Variants in CMIP observed in about 807,000 individuals in gnomAD.
CMIP encodes c-Maf inducing protein.
A neutral mutation model predicts 97.3 loss-of-function variants in CMIP; 13 were observed. That is an observed-to-expected ratio of 0.13 (90% CI 0.09 to 0.21). CMIP has a LOEUF of 0.21. Ranked by LOEUF, CMIP falls within the 10% of genes least tolerant of loss-of-function variation. The probability of loss-of-function intolerance (pLI) is 1.00; values close to 1 mark genes in which losing one functional copy is unlikely to be tolerated. For synonymous variants in CMIP, 538 were observed against 436.3 expected, an observed-to-expected ratio of 1.23 and a Z score of -2.91; for missense variants, 847 against 1,024.9, an observed-to-expected ratio of 0.83 and a Z score of 2.37.
chr16:81,654,910 C>T (rs931176680), intron 4 of CMIP, among the ~76,000 whole-genome samples: 5 of 152,154 alleles, frequency 3.3e-5, no homozygotes, highest in African/African-American at 9.7e-5. Context: ...GTTGTAGGGT[C>T]GGAAGGACCT....
Position 81,678,641 on chromosome 16 carries a change from C to CA in CMIP, c.1388+13_1388+14insA, listed in dbSNP as rs1555549305. The stretch of plus-strand genomic sequence containing the variant: ...TCCTCAAGCTGCTGTGAGTGCCCCC[C>CA]CCGCGTGCCCGCCCCCGGGGCCGGT... On this transcript the variant is annotated intron_variant, in intron 10 of 20. Coordinates refer to ENST00000537098, the MANE Select transcript of CMIP (RefSeq NM_198390.3). 4.6e-5 allele frequency: 61 copies of CA among 1,318,230 alleles called. No individual in the cohort carries two copies. The African/African-American group carries it at 6.3e-4, about 14-fold the overall frequency. The allele number at this position is 1,318,230 out of a possible 1,614,324, so 81.7% of individuals were successfully genotyped here.
chr16:81,587,700 C>T (rs958883754), intron 1 of CMIP, among the ~76,000 whole-genome samples: 16 of 152,348 alleles, frequency 1.1e-4, no homozygotes, highest in South Asian at 2.1e-4. Context: ...CTCTACTGCT[C>T]CTGACTTCCT....
chr16:81,521,436 C>T (rs2090025530), intron 1 of CMIP, among the ~76,000 whole-genome samples: 1 of 152,080 alleles, frequency 6.6e-6, no homozygotes, highest in Admixed American at 6.5e-5. Flanking sequence ...TGTAGAACCA[C>T]CGGTGACCGC....
intron 1 of CMIP, among the ~76,000 whole-genome samples, chr16:81,503,066 A>G (rs1263963184): frequency 6.6e-6 from 1 of 152,216 alleles, no homozygotes; most frequent in Non-Finnish European, 1.5e-5. Context: ...TTCATTAAAG[A>G]GCTGCCCTAG....
intron 3 of CMIP, among the ~76,000 whole-genome samples, chr16:81,629,266 C>G (rs1193059306): frequency 1.3e-5 from 2 of 151,526 alleles, no homozygotes; most frequent in East Asian, 3.9e-4. Flanking sequence ...CAGCCGCTGT[C>G]AGACCACCTC....
chr16:81,644,892 C>T (rs141086918), intron 3 of CMIP, among the ~76,000 whole-genome samples: 102 of 152,296 alleles, frequency 6.7e-4, no homozygotes, highest in African/African-American at 2.3e-3. Context: ...TCGGGCCGAA[C>T]GCAGTGCCAC....
chr16:81,708,226 G>A (rs936760455), intron 20 of CMIP, among the ~76,000 whole-genome samples: 1 of 152,216 alleles, frequency 6.6e-6, no homozygotes, highest in African/African-American at 2.4e-5. Context: ...GGTGGCAGGG[G>A]CACAGCCAGC....
At chr16:81,580,500 C>G (rs1053603692) in intron 1 of CMIP, among the ~76,000 whole-genome samples, 1 of 147,722 alleles carries the variant, frequency 6.8e-6, no homozygotes, top group Non-Finnish European at 1.5e-5. Flanking sequence ...GTGGCGTGAT[C>G]TCGGCTCACT....
intron 3 of CMIP, among the ~76,000 whole-genome samples, chr16:81,640,116 C>T (rs2092285824): frequency 6.6e-6 from 1 of 152,156 alleles, no homozygotes; most frequent in Admixed American, 6.5e-5. Flanking sequence ...CTCCTGGGTC[C>T]CCAGGTGGCT....
chr16:81,462,904 A>G (rs1906978507), intron 1 of CMIP, among the ~76,000 whole-genome samples: 1 of 152,136 alleles, frequency 6.6e-6, no homozygotes, highest in African/African-American at 2.4e-5. Flanking sequence ...GGACAGAGTG[A>G]CCACAAACCC....
At chr16:81,598,165 A>G (rs184736721) in intron 1 of CMIP, among the ~76,000 whole-genome samples, 175 of 152,182 alleles carry the variant, frequency 1.1e-3, no homozygotes, top group African/African-American at 4.0e-3. Context: ...GGCACACGCT[A>G]GAGAAGTGGA....
At chr16:81,560,476 C>T (rs1010062990) in intron 1 of CMIP, among the ~76,000 whole-genome samples, 42 of 152,284 alleles carry the variant, frequency 2.8e-4, no homozygotes, top group African/African-American at 1.0e-3. Flanking sequence ...CCTCGGCCTC[C>T]CAAAGTGCTG....
chr16:81,477,199 A>C (rs1163884125), intron 1 of CMIP, among the ~76,000 whole-genome samples: 1 of 152,036 alleles, frequency 6.6e-6, no homozygotes, highest in Non-Finnish European at 1.5e-5. Context: ...TGTGTTGCCC[A>C]GGCTGGAGTG....
intron 1 of CMIP, among the ~76,000 whole-genome samples, chr16:81,580,846 ATGT>A (rs2091284747): frequency 6.6e-6 from 1 of 152,092 alleles, no homozygotes; most frequent in Admixed American, 6.6e-5. Context: ...CAAATTCGCG[ATGT>A]TGTGTAACTG....
chr16:81,686,615 C>T (rs1466115302), intron 10 of CMIP, among the ~76,000 whole-genome samples: 1 of 152,170 alleles, frequency 6.6e-6, no homozygotes, highest in Non-Finnish European at 1.5e-5. Flanking sequence ...CTTTTCTCCG[C>T]GTCTGGCATC....
chr16:81,674,704 G>C (rs954977183), intron 9 of CMIP, among the ~76,000 whole-genome samples: 2 of 152,280 alleles, frequency 1.3e-5, no homozygotes, highest in Non-Finnish European at 2.9e-5. Flanking sequence ...TCCTGCCTCA[G>C]CTTCCTGAGT....
At chr16:81,609,061 A>G (rs2091788430) in intron 2 of CMIP, among the ~76,000 whole-genome samples, 1 of 152,084 alleles carries the variant, frequency 6.6e-6, no homozygotes, top group East Asian at 1.9e-4. Flanking sequence ...TCTTACTGTC[A>G]TCTCTCAGAG....
chr16:81,540,063 C>T (rs559673105), intron 1 of CMIP, among the ~76,000 whole-genome samples: 5 of 151,506 alleles, frequency 3.3e-5, no homozygotes, highest in Non-Finnish European at 5.9e-5. Flanking sequence ...GCACAGTAAT[C>T]TCAGCCACCT....
At chr16:81,699,504 A>G (rs1907143316) in intron 14 of CMIP, among the ~76,000 whole-genome samples, 181 bp from the exon 15 acceptor site, 1 of 152,100 alleles carries the variant, frequency 6.6e-6, no homozygotes, top group African/African-American at 2.4e-5. Context: ...TCTGGGTTAG[A>G]TCGTGTGCCA....
Sources: allele counts gnomAD v4.1 joint callset (sites outside exome capture counted in the v4.1 genomes callset), GRCh38; gene constraint gnomAD v4.1.1; transcripts MANE v1.5; gene names NCBI Gene and HGNC (gene_info 2026-07-23, HGNC 2026-07-21).